The following TMEM217 variants were observed in gnomAD, a reference collection of about 807,000 sequenced individuals.
The protein encoded by TMEM217 is transmembrane protein 217.
For missense variants in TMEM217, 204 were observed against 248.8 expected (o/e 0.82, Z 1.21); for synonymous variants, 76 against 88.3 (o/e 0.86, Z 0.78).
intron 1 of TMEM217, among the ~76,000 whole-genome samples, chr6:37,231,919 T>C: frequency 6.6e-6 from 1 of 151,690 alleles, no homozygotes; most frequent in East Asian, 1.9e-4. Flanking sequence ...TAAAAAAAAA[T>C]TACAGAATCT....
intron 1 of TMEM217, among the ~76,000 whole-genome samples, chr6:37,239,257 G>A (rs142510192): frequency 1.6e-3 from 251 of 152,280 alleles, no homozygotes; most frequent in African/African-American, 5.9e-3. Context: ...GGGAGGCCAA[G>A]GTGGGCATAT....
intron 1 of TMEM217, among the ~76,000 whole-genome samples, chr6:37,228,792 T>C (rs1030101893): frequency 6.6e-6 from 1 of 151,554 alleles, no homozygotes; most frequent in African/African-American, 2.4e-5. Context: ...GGTCAGGAGA[T>C]CGAGACCATC....
downstream of TMEM217, among the ~76,000 whole-genome samples, chr6:37,216,229 C>A (rs556161690): frequency 2.6e-5 from 4 of 152,172 alleles, no homozygotes; most frequent in East Asian, 3.9e-4. Flanking sequence ...CAGGTGCCTG[C>A]CACTATACCC....
At chr6:37,248,984 G>A (rs1562024987) in intron 1 of TMEM217, among the ~76,000 whole-genome samples, 1 of 152,132 alleles carries the variant, frequency 6.6e-6, no homozygotes, top group East Asian at 1.9e-4. Flanking sequence ...TCCTTGGCTT[G>A]TGGCTGCATC....
At chr6:37,216,230 C>T (rs1763198467), downstream of TMEM217, among the ~76,000 whole-genome samples, 1 of 152,048 alleles carries the variant, frequency 6.6e-6, no homozygotes, top group African/African-American at 2.4e-5. Flanking sequence ...AGGTGCCTGC[C>T]ACTATACCCG....
intron 1 of TMEM217, among the ~76,000 whole-genome samples, chr6:37,238,583 A>G (rs1413917614): frequency 6.6e-6 from 1 of 152,176 alleles, no homozygotes; most frequent in Non-Finnish European, 1.5e-5. Context: ...TGGAAGATCT[A>G]GGAAGACTTT....
chr6:37,253,603 A>G, intron 1 of TMEM217, among the ~76,000 whole-genome samples: 1 of 152,178 alleles, frequency 6.6e-6, no homozygotes, highest in Non-Finnish European at 1.5e-5. Flanking sequence ...TAGGTGGCCC[A>G]ACATTGCACA....
At chr6:37,252,036 G>A (rs1765425183) in intron 1 of TMEM217, among the ~76,000 whole-genome samples, 1 of 152,162 alleles carries the variant, frequency 6.6e-6, no homozygotes, top group African/African-American at 2.4e-5. Context: ...TGGGATTACA[G>A]GCATGCGCCA....
intron 1 of TMEM217, among the ~76,000 whole-genome samples, chr6:37,225,879 C>T (rs928999478): frequency 6.6e-6 from 1 of 151,990 alleles, no homozygotes; most frequent in East Asian, 1.9e-4. Flanking sequence ...CTCACCTTCT[C>T]CCTTTCCCCC....
At chr6:37,252,630 TATATA>T (rs1765486865) in intron 1 of TMEM217, among the ~76,000 whole-genome samples, 3 of 72,964 alleles carry the variant, frequency 4.1e-5, no homozygotes, top group Non-Finnish European at 7.6e-5. Context: ...TATATATATA[TATATA>T]TATTTTTTTT....
chr6:37,228,851 G>T (rs1033981584), intron 1 of TMEM217, among the ~76,000 whole-genome samples: 1 of 151,806 alleles, frequency 6.6e-6, no homozygotes, highest in Non-Finnish European at 1.5e-5. Context: ...CAAAAAATTA[G>T]CTGGGCGTGG....
chr6:37,252,617 G>GTATA (rs59057594), intron 1 of TMEM217, among the ~76,000 whole-genome samples: 64 of 112,290 alleles, frequency 5.7e-4, no homozygotes, highest in Non-Finnish European at 8.5e-4. Flanking sequence ...GTATGTGTGT[G>GTATA]TATATATATA....
At chr6:37,245,888 C>T (rs952816313) in intron 1 of TMEM217, among the ~76,000 whole-genome samples, 2 of 152,026 alleles carry the variant, frequency 1.3e-5, no homozygotes, top group Non-Finnish European at 2.9e-5. Flanking sequence ...CAACCTCTGC[C>T]TCCCGGGTTC....
chr6:37,233,821 C>T (rs1177548400), intron 1 of TMEM217, among the ~76,000 whole-genome samples: 3 of 152,096 alleles, frequency 2.0e-5, no homozygotes, highest in Admixed American at 6.6e-5. Flanking sequence ...TAACTTAAGT[C>T]GATGGTTCGA....
In TMEM217 at chr6:37,233,665, T is replaced by C. The variant is rs182765519; in HGVS notation, c.-11-14624A>G. On this transcript the variant is annotated intron_variant, in intron 1 of 1. Transcript: ENST00000357219. ...GAATTTTGGAGGGACATATACATTCTAACCGTAGTACCATCTCCACTGCTA... is the reference window on the plus strand; with the variant it reads ...GAATTTTGGAGGGACATATACATTCCAACCGTAGTACCATCTCCACTGCTA... Among the ~76,000 whole-genome samples, 462 of 152,334 alleles carry C rather than the reference T, an allele frequency of 3.0e-3. 4 individuals are homozygous for C. Among genetic ancestry groups the C allele is most frequent in the African/African-American group, 1.0e-2 (414 of 41,576 alleles).
downstream of TMEM217, among the ~76,000 whole-genome samples, chr6:37,216,820 G>A (rs1322295604): frequency 4.6e-5 from 7 of 152,150 alleles, no homozygotes. Flanking sequence ...AAAGGGACAG[G>A]AGGGAACTAG....
chr6:37,232,443 T>C (rs1048741291), intron 1 of TMEM217, among the ~76,000 whole-genome samples: 1 of 152,222 alleles, frequency 6.6e-6, no homozygotes, highest in Non-Finnish European at 1.5e-5. Context: ...TGGAGTGCAG[T>C]GGCACAATCT....
At chr6:37,224,577 GACAGAGC>G (rs1763708677) in intron 1 of TMEM217, among the ~76,000 whole-genome samples, 1 of 150,886 alleles carries the variant, frequency 6.6e-6, no homozygotes, top group East Asian at 2.0e-4. Flanking sequence ...CAGGCTGGGT[GACAGAGC>G]GAGACTCCTC....
At chr6:37,215,426 T>C, downstream of TMEM217, 1 of 1,092,004 alleles carries the variant, frequency 9.2e-7, no homozygotes, top group Non-Finnish European at 1.2e-6. Flanking sequence ...GATACAAAAA[T>C]TAGCTGGGCA....
Sources: allele counts gnomAD v4.1 joint callset (sites outside exome capture counted in the v4.1 genomes callset), GRCh38; gene constraint gnomAD v4.1.1; transcripts MANE v1.5; gene names NCBI Gene and HGNC (gene_info 2026-07-23, HGNC 2026-07-21).